Variants in ZNF846 observed in about 807,000 individuals in gnomAD.
ZNF846 encodes the protein zinc finger protein 420 pseudogene.
In ZNF846, 15 loss-of-function variants were observed where a neutral mutation model predicts 16.0. The ratio of observed to expected loss-of-function variants is 0.94; its 90% CI spans 0.63 to 1.45. The LOEUF (loss-of-function observed/expected upper bound fraction) is 1.45, where lower values mean the gene tolerates loss of function less well. Ranked by LOEUF, ZNF846 falls within the 40% of genes most tolerant of loss-of-function variation. ZNF846 has a pLI of 0.00. For synonymous variants in ZNF846, 229 were observed against 212.0 expected, an observed-to-expected ratio of 1.08 and a Z score of -0.70; for missense variants, 714 against 622.3, an observed-to-expected ratio of 1.15 and a Z score of -1.57.
chr19:9,752,663 C>CT (rs528278558), downstream of ZNF846, among the ~76,000 whole-genome samples: 20,655 of 140,372 alleles, frequency 0.15, 1,679 homozygotes, highest in Admixed American at 0.23. Context: ...AGTGATTTCC[C>CT]TTTTTTTTTT....
upstream of ZNF846, among the ~76,000 whole-genome samples, chr19:9,770,484 T>C (rs2045380788): frequency 6.6e-6 from 1 of 151,668 alleles, no homozygotes; most frequent in Non-Finnish European, 1.5e-5. Flanking sequence ...TTTTCTCTTT[T>C]TTTTTTTTTT....
At chr19:9,756,295 A>G (rs2045133120), downstream of ZNF846, 2 of 146,032 alleles carry the variant, frequency 1.4e-5, no homozygotes, top group Admixed American at 1.4e-4. Context: ...ATGAAATAAT[A>G]CATACGTGTG....
At chr19:9,755,376 T>G (rs1226033111), downstream of ZNF846, 5 of 151,634 alleles carry the variant, frequency 3.3e-5, no homozygotes, top group Non-Finnish European at 7.4e-5. Flanking sequence ...TGTCATTTAT[T>G]TCAATTTCTC....
Position 9,776,871 on chromosome 19 carries a change from G to C in ZNF846, c.-86+9067C>G, listed in dbSNP as rs531651518. On this transcript the variant is annotated intron_variant, in intron 1 of 4. Coordinates refer to the ZNF846 transcript ENST00000586814. ...ACTCCAGGGAAAGAATGGGAGTTGA[G>C]AGGGAGCTTATGTGCTAGGTGAAGT... 3.9e-5 allele frequency among the ~76,000 whole-genome samples: 6 copies of C among 152,192 alleles called. 1 individual carries two copies. The South Asian group carries it at 1.2e-3, about 32-fold the overall frequency.
exon 6 of ZNF846, chr19:9,758,148 T>A: frequency 6.2e-7 from 1 of 1,613,538 alleles, no homozygotes; most frequent in Non-Finnish European, 8.5e-7. Context: ...CATACATACA[T>A]AGGGCTTCTT....
At chr19:9,763,543 A>T (rs575191064) in intron 2 of ZNF846, 135 bp from the exon 3 acceptor site, 4 of 706,686 alleles carry the variant, frequency 5.7e-6, no homozygotes, top group Non-Finnish European at 6.6e-6. Flanking sequence ...CTCTATATAG[A>T]TATTGTCTTG....
downstream of ZNF846, among the ~76,000 whole-genome samples, chr19:9,751,191 C>A (rs2045080870): frequency 6.6e-6 from 1 of 152,082 alleles, no homozygotes; most frequent in Non-Finnish European, 1.5e-5. Context: ...TCACTCTATA[C>A]AACAAATGCT....
At chr19:9,753,318 C>G (rs1417751578), downstream of ZNF846, among the ~76,000 whole-genome samples, 1 of 150,844 alleles carries the variant, frequency 6.6e-6, no homozygotes, top group East Asian at 1.9e-4. Context: ...GTGGTGTGAT[C>G]TTGGCTCACT....
downstream of ZNF846, chr19:9,756,339 G>GTGTT (rs1568319856): frequency 1.6e-5 from 1 of 63,382 alleles, no homozygotes; most frequent in East Asian, 3.3e-4. Context: ...GTGTGTGTGT[G>GTGTT]TGTGTGTATA....
rs555158631 is a variant in ZNF846 at position 9,777,793 on chromosome 19, C to T, written c.-86+8145G>A. Reference sequence around the variant, plus strand: ...GGGTGGATCACCTGAGGTCAGGAGTCTGAGACCAAGCTAGCTAACATGGCA... The same window carrying T: ...GGGTGGATCACCTGAGGTCAGGAGTTTGAGACCAAGCTAGCTAACATGGCA... On this transcript the variant is annotated intron_variant, in intron 1 of 4. Transcript: ENST00000586814. Among the ~76,000 whole-genome samples the T allele has an allele frequency of 6.6e-5, 10 of 151,982 alleles. No individual in the cohort carries two copies. In the South Asian group the frequency reaches 8.3e-4, roughly 13 times the overall value.
chr19:9,783,669 G>A lies in ZNF846; in HGVS notation c.-86+2269C>T, dbSNP rs968527846. ...GCTGGGATTACAGGTGTGAGTCACC[G>A]TGTCCGGCCAGTTTTGTTTTTGTTT... On this transcript the variant is annotated intron_variant, in intron 1 of 4. Coordinates refer to the ZNF846 transcript ENST00000586814. Among the ~76,000 whole-genome samples the A allele has an allele frequency of 3.4e-5, 5 of 148,744 alleles. No homozygotes were observed. The Admixed American group carries it at 3.4e-4, about 10-fold the overall frequency.
intron 2 of ZNF846, 157 bp downstream of exon 2, chr19:9,764,779 C>A: frequency 1.2e-6 from 1 of 839,498 alleles, no homozygotes; most frequent in Non-Finnish European, 2.0e-6. Flanking sequence ...TCTGTACAAC[C>A]TGAGATGGCT....
Position 9,757,712 on chromosome 19 carries a change from G to T in ZNF846, c.1365C>A (p.Cys455Ter). The change falls in exon 6 of 6, where the codon TGC (cysteine) becomes TGA (stop). Residue 455 changes from cysteine to a stop codon, truncating the protein, a stop_gained. Coordinates refer to ENST00000397902, the Ensembl canonical transcript of ZNF846. LOFTEE classifies it low-confidence loss of function (END_TRUNC). Reference sequence around the variant, plus strand: ...TTGTGGAACGAGCAAATGCTTTACCGCATTCCTTACATTCACAGGCCTTTT... The same window carrying T: ...TTGTGGAACGAGCAAATGCTTTACCTCATTCCTTACATTCACAGGCCTTTT... The T allele has an allele frequency of 6.2e-7, 1 of 1,613,008 alleles. No homozygotes were observed. The highest frequency in any genetic ancestry group is 1.3e-5 in the African/African-American group (1 of 74,404).
chr19:9,762,323 C>T (rs2045244485), intron 3 of ZNF846, 155 bp from the exon 4 acceptor site: 4 of 611,316 alleles, frequency 6.5e-6, no homozygotes, highest in Non-Finnish European at 1.2e-5. Context: ...CCAATACATG[C>T]ACTAAAACTA....
upstream of ZNF846, among the ~76,000 whole-genome samples, chr19:9,770,671 C>T (rs1263148367): frequency 6.6e-6 from 1 of 151,834 alleles, no homozygotes; most frequent in African/African-American, 2.4e-5. Flanking sequence ...AGTTTAAGAC[C>T]AGCCTGGCCA....
Position 9,764,546 on chromosome 19 carries a change from C to G in ZNF846, c.15+390G>C, listed in dbSNP as rs555630931. On this transcript the variant is annotated intron_variant, in intron 2 of 5. Coordinates refer to ENST00000397902, the Ensembl canonical transcript of ZNF846. The stretch of plus-strand genomic sequence containing the variant: ...TAATCAAATGACCCTAAATCCCTCA[C>G]TAACCTACCCCCGCCCTCACTAAGC... 2.4e-4 allele frequency among the ~76,000 whole-genome samples: 37 copies of G among 152,336 alleles called. No homozygotes were observed. In the Middle Eastern group the frequency reaches 0.01, roughly 42 times the overall value.
intron 1 of ZNF846, among the ~76,000 whole-genome samples, chr19:9,781,009 G>A (rs1416125409): frequency 6.6e-6 from 1 of 152,220 alleles, no homozygotes; most frequent in African/African-American, 2.4e-5. Context: ...ATAAGGATTA[G>A]GTTGAGAATT....
At chr19:9,763,585 A>G (rs1008532750) in intron 2 of ZNF846, 177 bp from the exon 3 acceptor site, 5 of 466,028 alleles carry the variant, frequency 1.1e-5, no homozygotes, top group Non-Finnish European at 1.9e-5. Context: ...ACTTATCAGC[A>G]TCACTGAAAC....
At chr19:9,765,273 G>C (rs1024695524) in intron 1 of ZNF846, among the ~76,000 whole-genome samples, 1 of 152,192 alleles carries the variant, frequency 6.6e-6, no homozygotes, top group African/African-American at 2.4e-5. Flanking sequence ...TACTCGGGAG[G>C]CCGAGGTGGG....
Sources: gnomAD v4.1 joint callset for allele counts (sites outside exome capture counted in the v4.1 genomes callset) on GRCh38, gnomAD v4.1.1 for gene constraint, MANE v1.5 for transcripts, NCBI Gene and HGNC (gene_info 2026-07-23, HGNC 2026-07-21) for gene names.